The following ING5 variants were observed in gnomAD, a reference collection of about 807,000 sequenced individuals.
The protein encoded by ING5 is inhibitor of growth protein 5.
A neutral mutation model predicts 37.4 loss-of-function variants in ING5; 17 were observed. That is an observed-to-expected ratio of 0.45 (90% CI 0.31 to 0.68). The LOEUF (loss-of-function observed/expected upper bound fraction) is 0.68. Ranked by LOEUF, ING5 falls within the 30% of genes least tolerant of loss-of-function variation. The probability of loss-of-function intolerance (pLI) is 0.05; values close to 1 mark genes in which losing one functional copy is unlikely to be tolerated. For synonymous variants in ING5, 123 were observed against 116.6 expected, an observed-to-expected ratio of 1.06 and a Z score of -0.36; for missense variants, 233 against 311.9, an observed-to-expected ratio of 0.75 and a Z score of 1.91.
intron 2 of ING5, among the ~76,000 whole-genome samples, chr2:241,696,504 T>G (rs2069632152): frequency 6.6e-6 from 1 of 151,686 alleles, no homozygotes. Flanking sequence ...TGGGCAAAAG[T>G]GCTGGGTGCG....
At chr2:241,721,952 G>A in intron 5 of ING5, 1 of 986,070 alleles carries the variant, frequency 1.0e-6, no homozygotes, top group South Asian at 4.7e-5. Flanking sequence ...CCACGTGGGA[G>A]CTGATGGGGA....
At chr2:241,701,486 G>A (rs571719056), upstream of ING5, among the ~76,000 whole-genome samples, 91 of 152,296 alleles carry the variant, frequency 6.0e-4, no homozygotes, top group African/African-American at 1.9e-3. Context: ...AGGGCGCCAG[G>A]GCCCAGGCCC....
chr2:241,702,000 C>CGCCCCG, upstream of ING5: 1 of 1,214,822 alleles, frequency 8.2e-7, no homozygotes, highest in East Asian at 3.4e-5. Flanking sequence ...GCGCTGGCAC[C>CGCCCCG]GCCCCGCCCC....
intron 5 of ING5, chr2:241,719,751 C>G: frequency 6.9e-7 from 1 of 1,453,220 alleles, no homozygotes; most frequent in Non-Finnish European, 9.0e-7. Flanking sequence ...AGCACCTCTG[C>G]AAACACAGGA....
chr2:241,704,859 A>G (rs1311775095), intron 2 of ING5, 135 bp downstream of exon 2: 1 of 714,254 alleles, frequency 1.4e-6, no homozygotes, highest in Non-Finnish European at 2.5e-6. Context: ...GGCCGTGGGT[A>G]TCACTCAGTG....
chr2:241,704,399 C>G (rs1038478453), intron 1 of ING5, among the ~76,000 whole-genome samples: 2 of 152,120 alleles, frequency 1.3e-5, no homozygotes, highest in African/African-American at 4.8e-5. Context: ...GAAACCCCGT[C>G]TCAACTAAAA....
intron 5 of ING5, chr2:241,721,751 C>A: frequency 1.0e-6 from 1 of 985,432 alleles, no homozygotes; most frequent in South Asian, 4.7e-5. Context: ...ATAGTACCTG[C>A]AGCTTGTAAG....
chr2:241,723,228 C>T lies in ING5; in HGVS notation c.637C>T (p.His213Tyr). The change falls in exon 7 of 8, where the codon CAC becomes TAC. Residue 213 changes from histidine (H) to tyrosine (Y), a missense_variant. Physicochemically the swap from His to Tyr is moderately conservative, Grantham distance 83. Around this residue, in one of 4 missense-constraint regions of ING5, gnomAD observed 45 missense variants for 98.2 expected, o/e 0.46. Transcript: ENST00000313552. ...TTTGCAGTGTCCAATTGAGTGGTTT[C>T]ACTTTGCCTGCGTGGACCTTACCAC... is the stretch of plus-strand genomic sequence containing the variant. ...DNPDCPIEWF[H>Y]FACVDLTTKP... 6.2e-7 allele frequency: 1 copy of T among 1,614,248 alleles called. No individual in the cohort carries two copies. Among genetic ancestry groups the T allele is most frequent in the Non-Finnish European group, 8.5e-7 (1 of 1,180,040 alleles).
At chr2:241,705,385 TG>T (rs2069873596) in intron 2 of ING5, among the ~76,000 whole-genome samples, 1 of 141,262 alleles carries the variant, frequency 7.1e-6, no homozygotes, top group African/African-American at 2.6e-5. Context: ...GCCCTAACTC[TG>T]TTTTTTTCTT....
Position 241,725,113 on chromosome 2 carries a change from T to C in ING5, c.*82T>C, listed in dbSNP as rs1691560909. The C allele has an allele frequency of 2.1e-6, 3 of 1,438,198 alleles. No individual in the cohort carries two copies. In the East Asian group the frequency reaches 6.8e-5, roughly 33 times the overall value. The allele number at this position is 1,438,198 out of a possible 1,614,324, so 89.1% of individuals were successfully genotyped here. A position where few individuals can be genotyped will look rare whatever the true frequency, so the allele number is the denominator to read the frequency against. Reference sequence around the variant, plus strand: ...GCAATATTTCCCTTCCTTTTAAAACTACCTTGTTCGGTTGATACTTAGTAA... The same window carrying C: ...GCAATATTTCCCTTCCTTTTAAAACCACCTTGTTCGGTTGATACTTAGTAA... On this transcript the variant is annotated 3_prime_UTR_variant, in exon 8 of 8. Transcript: ENST00000313552.
chr2:241,722,784 G>A (rs111584532), intron 5 of ING5, 155 bp from the exon 6 acceptor site: 31,972 of 985,254 alleles, frequency 0.032, 2,512 homozygotes, highest in African/African-American at 0.27. Flanking sequence ...ATTATGTGTC[G>A]CTCAGAGCAC....
intron 2 of ING5, among the ~76,000 whole-genome samples, chr2:241,694,549 G>A (rs147282799): frequency 0.095 from 14,445 of 152,012 alleles, 715 homozygotes; most frequent in South Asian, 0.13. Flanking sequence ...TGAAATAAAT[G>A]TGATTAAAAT....
At chr2:241,709,522 C>G (rs1455314623) in intron 3 of ING5, 140 bp downstream of exon 3, 3 of 721,170 alleles carry the variant, frequency 4.2e-6, no homozygotes, top group Non-Finnish European at 7.0e-6. Context: ...GGAGGAAGTG[C>G]AGACGGAATA....
intron 2 of ING5, among the ~76,000 whole-genome samples, chr2:241,706,442 C>T (rs375901238): frequency 6.6e-6 from 1 of 151,772 alleles, no homozygotes; most frequent in East Asian, 1.9e-4. Flanking sequence ...CCAGCCTGAT[C>T]GACATGGAGA....
intron 7 of ING5, 124 bp from the exon 8 acceptor site, chr2:241,724,865 G>A: frequency 1.1e-6 from 1 of 941,374 alleles, no homozygotes; most frequent in African/African-American, 1.6e-5. Context: ...CACTGCGTGT[G>A]CCTCTCCTGG....
chr2:241,722,097 AG>A (rs2070449225), intron 5 of ING5: 1 of 985,154 alleles, frequency 1.0e-6, no homozygotes, highest in Non-Finnish European at 1.2e-6. Context: ...GTGCCTGAGT[AG>A]GTGCGTGGAG....
At chr2:241,723,831 G>A in intron 7 of ING5, 1 of 1,582,940 alleles carries the variant, frequency 6.3e-7, no homozygotes, top group Non-Finnish European at 8.6e-7. Flanking sequence ...GCAACATCGG[G>A]AGACCCCAAC....
rs1559316999 is a variant in ING5, at chr2:241,726,404, G to A, written c.*1373G>A. On this transcript the variant is annotated 3_prime_UTR_variant, in exon 8 of 8. Transcript: ENST00000313552. The stretch of plus-strand genomic sequence containing the variant: ...GGAGAGGAAATAAAGCAGAAGGAAC[G>A]TGTGAAGCTCTGTGTCTCAGACGGG... 2 of 152,274 alleles carry A rather than the reference G, an allele frequency of 1.3e-5. No homozygotes were observed. Among genetic ancestry groups the A allele is most frequent in the African/African-American group, 2.4e-5 (1 of 41,470 alleles). The allele number at this position is 152,274 out of a possible 1,614,324, so 9.4% of individuals were successfully genotyped here. A position where few individuals can be genotyped will look rare whatever the true frequency, so the allele number is the denominator to read the frequency against.
intron 1 of ING5, among the ~76,000 whole-genome samples, 186 bp downstream of exon 1, chr2:241,702,288 C>T (rs1012956104): frequency 6.8e-6 from 1 of 146,970 alleles, no homozygotes. Context: ...GCGCGGGGGG[C>T]GGGCGCGGGG....
Sources: gnomAD v4.1 joint callset for allele counts (sites outside exome capture counted in the v4.1 genomes callset) on GRCh38, gnomAD v4.1.1 for gene constraint, gnomAD v4.1.1 regional missense constraint, MANE v1.5 for transcripts, NCBI Gene and HGNC (gene_info 2026-07-23, HGNC 2026-07-21) for gene names.